Variants in KIF13A observed in about 807,000 individuals in gnomAD.
KIF13A encodes the protein kinesin family member 13A, also known as kinesin-like protein KIF13A.
In KIF13A, 79 loss-of-function variants were observed where a neutral mutation model predicts 212.2. The observed-to-expected ratio is 0.37, with a 90% CI of 0.31 to 0.45. The LOEUF (loss-of-function observed/expected upper bound fraction) is 0.45. Ranked by LOEUF, KIF13A falls within the 20% of genes least tolerant of loss-of-function variation. The pLI, the probability that KIF13A is intolerant of heterozygous loss-of-function variation, is 1.00. For synonymous variants in KIF13A, 789 were observed against 808.6 expected, an observed-to-expected ratio of 0.98 and a Z score of 0.41; for missense variants, 1,901 against 2,209.0, an observed-to-expected ratio of 0.86 and a Z score of 2.79.
At position 17,843,195 on chromosome 6, in the gene KIF13A, C is replaced by T. The variant is rs536980554; in HGVS notation, c.831-5612G>A. 2.0e-5 allele frequency among the ~76,000 whole-genome samples: 3 copies of T among 152,290 alleles called. No homozygotes were observed. Among genetic ancestry groups the T allele is most frequent in the East Asian group, 3.9e-4 (2 of 5,184 alleles). ...ATGACTGAAAGCACTCAGTAAATAT[C>T]TGCAGCGTTAATCTGAATCTAGATT... On this transcript the variant is annotated intron_variant, in intron 9 of 38. Coordinates refer to ENST00000259711, the MANE Select transcript of KIF13A (RefSeq NM_022113.6). The surrounding 1 kb of genome is among the most constrained non-coding windows in gnomAD (Gnocchi z 5.3).
intron 2 of KIF13A, among the ~76,000 whole-genome samples, chr6:17,977,650 C>T (rs2150631443): frequency 6.6e-6 from 1 of 152,132 alleles, no homozygotes; most frequent in Non-Finnish European, 1.5e-5. Context: ...TGGGCAAGGA[C>T]AAAATAAAGG....
In KIF13A at chr6:17,892,364, G is replaced by A. The variant is rs1352578788; in HGVS notation, c.159+5804C>T. On this transcript the variant is annotated intron_variant, in intron 3 of 38. Transcript: ENST00000259711. This position sits in a 1 kb window ranked among gnomAD's most constrained non-coding sequence, Gnocchi z 4.7. ...AACCCTTATTTCCTTTTTTTCTGAT[G>A]TATTTTACTGAATACTACCACTAGC... is the stretch of plus-strand genomic sequence containing the variant. Among the ~76,000 whole-genome samples, 2 of 152,048 alleles carry A rather than the reference G, an allele frequency of 1.3e-5. No individual in the cohort carries two copies. Among genetic ancestry groups the A allele is most frequent in the African/African-American group, 4.8e-5 (2 of 41,400 alleles).
chr6:17,775,849 ATT>A (rs557066417), intron 34 of KIF13A, among the ~76,000 whole-genome samples: 1 of 147,762 alleles, frequency 6.8e-6, no homozygotes, highest in African/African-American at 2.5e-5. Context: ...TGAAAAAAAT[ATT>A]TTTTTTTTTA....
Position 17,961,804 on chromosome 6 carries a change from T to C in KIF13A, c.146+25250A>G, listed in dbSNP as rs9477560. On this transcript the variant is annotated intron_variant, in intron 2 of 38. Transcript: ENST00000259711. This position sits in a 1 kb window ranked among gnomAD's most constrained non-coding sequence, Gnocchi z 4.1. ...TGCAGCGCACACCAGGCGTCTTACC[T>C]CTAGTTTCAAATTCTTCTCTTATTC... Among the ~76,000 whole-genome samples the C allele has an allele frequency of 0.035, 5,395 of 152,270 alleles. 322 individuals are homozygous for C. The highest frequency in any genetic ancestry group is 0.12 in the African/African-American group (5,093 of 41,536).
At position 17,809,102 on chromosome 6, in the gene KIF13A, T is replaced by A. The variant is rs1270727678; in HGVS notation, c.2001-172A>T. Among the ~76,000 whole-genome samples the A allele has an allele frequency of 6.6e-6, 1 of 152,222 alleles. No homozygotes were observed. Among genetic ancestry groups the A allele is most frequent in the East Asian group, 1.9e-4 (1 of 5,202 alleles). On this transcript the variant is annotated intron_variant, in intron 17 of 38. Transcript: ENST00000259711. This position sits in a 1 kb window ranked among gnomAD's most constrained non-coding sequence, Gnocchi z 4.7. ...CTCCTGCCCACAGATGGGCTATCTG[T>A]TGAGAACTACTGATGGGAAGCAAAT...
intron 12 of KIF13A, among the ~76,000 whole-genome samples, chr6:17,832,247 G>A (rs9396811): frequency 0.029 from 4,402 of 152,166 alleles, 91 homozygotes; most frequent in East Asian, 0.061. Flanking sequence ...ACATAACCCC[G>A]AGAATTAGTC....
At position 17,794,048 on chromosome 6, in the gene KIF13A, G is replaced by T. The variant is rs183722272; in HGVS notation, c.3222+201C>A. The stretch of plus-strand genomic sequence containing the variant: ...AATGACTACTATAGCATTAGGATGC[G>T]TGTGTTTATAAATAAAATTATTATT... On this transcript the variant is annotated intron_variant, in intron 25 of 38. Coordinates refer to ENST00000259711, the MANE Select transcript of KIF13A (RefSeq NM_022113.6). The surrounding 1 kb of genome is among the most constrained non-coding windows in gnomAD (Gnocchi z 4.1). Among the ~76,000 whole-genome samples the T allele has an allele frequency of 1.1e-3, 168 of 152,250 alleles. No homozygotes were observed. The highest frequency in any genetic ancestry group is 3.9e-3 in the African/African-American group (160 of 41,552).
intron 17 of KIF13A, among the ~76,000 whole-genome samples, chr6:17,815,133 G>A (rs960319718): frequency 1.1e-4 from 16 of 152,222 alleles, no homozygotes; most frequent in African/African-American, 2.9e-4. Context: ...CAGCCAAGGC[G>A]GAGACAGAGA....
In KIF13A at chr6:17,816,315, C is replaced by T. The variant is rs1763947019; in HGVS notation, c.2000+705G>A. Among the ~76,000 whole-genome samples the T allele has an allele frequency of 6.6e-6, 1 of 151,196 alleles. No homozygotes were observed. The highest frequency in any genetic ancestry group is 2.1e-4 in the South Asian group (1 of 4,794). The stretch of plus-strand genomic sequence containing the variant: ...ATCTCTGGGGCTCAAGTGACCCTCC[C>T]TCCTAAGCCTCCCAAGTAGCTGGGA... On this transcript the variant is annotated intron_variant, in intron 17 of 38. Transcript: ENST00000259711. This position sits in a 1 kb window ranked among gnomAD's most constrained non-coding sequence, Gnocchi z 4.3.
At chr6:17,952,543 C>T (rs188277756) in intron 2 of KIF13A, among the ~76,000 whole-genome samples, 3 of 150,494 alleles carry the variant, frequency 2.0e-5, no homozygotes, top group Admixed American at 1.3e-4. Flanking sequence ...AGGCTGAGGT[C>T]GGAGGATCCC....
intron 34 of KIF13A, among the ~76,000 whole-genome samples, chr6:17,775,269 C>T (rs1428892181): frequency 1.3e-5 from 2 of 152,152 alleles, no homozygotes; most frequent in Non-Finnish European, 2.9e-5. Flanking sequence ...TGTATATACT[C>T]ATAACCAATA....
intron 2 of KIF13A, among the ~76,000 whole-genome samples, chr6:17,922,732 A>C (rs929264825): frequency 6.6e-6 from 1 of 151,676 alleles, no homozygotes; most frequent in Non-Finnish European, 1.5e-5. Flanking sequence ...AGCTAGATAG[A>C]GGGTATGTGG....
At chr6:17,930,600 G>A (rs981056443) in intron 2 of KIF13A, among the ~76,000 whole-genome samples, 3 of 152,224 alleles carry the variant, frequency 2.0e-5, no homozygotes, top group African/African-American at 7.2e-5. Flanking sequence ...GGGCAGGATG[G>A]AAGGTAGACT....
At chr6:17,860,315 A>C (rs1768622766) in intron 4 of KIF13A, among the ~76,000 whole-genome samples, 2 of 151,776 alleles carry the variant, frequency 1.3e-5, no homozygotes, top group South Asian at 4.2e-4. Context: ...CAGCCTCCTA[A>C]GTAGCTGGGA....
intron 2 of KIF13A, among the ~76,000 whole-genome samples, chr6:17,972,736 T>C (rs1056643539): frequency 1.3e-5 from 2 of 150,098 alleles, no homozygotes; most frequent in African/African-American, 4.9e-5. Context: ...GTCTAGGGAG[T>C]GTCTCCCCAA....
At chr6:17,901,462 TAAACA>T (rs1343415363) in intron 2 of KIF13A, among the ~76,000 whole-genome samples, 1 of 152,152 alleles carries the variant, frequency 6.6e-6, no homozygotes, top group Non-Finnish European at 1.5e-5. Flanking sequence ...GGTTTCTACA[TAAACA>T]AAACAAAACT....
chr6:17,858,428 C>T (rs528192967), intron 4 of KIF13A, among the ~76,000 whole-genome samples: 1 of 152,292 alleles, frequency 6.6e-6, no homozygotes, highest in East Asian at 1.9e-4. Flanking sequence ...ATCTGCTTCA[C>T]AAATTGCTTT....
chr6:17,781,488 A>T (rs1341874879), intron 29 of KIF13A, among the ~76,000 whole-genome samples, 187 bp from the exon 30 acceptor site: 1 of 151,990 alleles, frequency 6.6e-6, no homozygotes, highest in Admixed American at 6.6e-5. Flanking sequence ...TTTCTTTTTT[A>T]AAAAATCATT....
intron 2 of KIF13A, among the ~76,000 whole-genome samples, chr6:17,924,776 C>T (rs1023424190): frequency 6.6e-6 from 1 of 152,126 alleles, no homozygotes; most frequent in African/African-American, 2.4e-5. Context: ...CAAAGTCTTC[C>T]AGATGTAGAT....
Sources: allele counts gnomAD v4.1 joint callset (sites outside exome capture counted in the v4.1 genomes callset), GRCh38; gene constraint gnomAD v4.1.1; non-coding constraint Gnocchi (gnomAD v3.1); transcripts MANE v1.5; gene names NCBI Gene and HGNC (gene_info 2026-07-23, HGNC 2026-07-21).